Variants in ADK observed in about 807,000 individuals in gnomAD.
The protein encoded by ADK is adenosine kinase, also known as N6,N6-dimethyladenosine kinase.
In ADK, 24 loss-of-function variants were observed where a neutral mutation model predicts 44.7. That is an observed-to-expected ratio of 0.54 (90% CI 0.39 to 0.76). The LOEUF is 0.76. ADK is among the 30% of genes least tolerant of loss of function. ADK has a pLI of 0.00. For missense variants in ADK, 321 were observed against 425.1 expected, an observed-to-expected ratio of 0.76 and a Z score of 2.15; for synonymous variants, 128 against 142.6, an observed-to-expected ratio of 0.90 and a Z score of 0.73.
intron 10 of ADK, among the ~76,000 whole-genome samples, chr10:74,671,960 G>A (rs1273157835): frequency 6.6e-6 from 1 of 152,172 alleles, no homozygotes; most frequent in African/African-American, 2.4e-5. Flanking sequence ...GATACTAGGT[G>A]AGAACATGTA....
rs998778510 is a variant in ADK, at chr10:74,505,509, TC to T, written c.556-19741del. ...ATCCGTATCTTGAAACTCTTCAACTTCCCCCCACTTTTTTTTTTTTTTTTTT... is the reference window on the plus strand; with the variant it reads ...ATCCGTATCTTGAAACTCTTCAACTTCCCCCACTTTTTTTTTTTTTTTTTT... On this transcript the variant is annotated intron_variant, in intron 6 of 10. Coordinates refer to ENST00000539909, the MANE Select transcript of ADK (RefSeq NM_006721.4). Among the ~76,000 whole-genome samples, 8 of 145,950 alleles carry T rather than the reference TC, an allele frequency of 5.5e-5. No individual in the cohort carries two copies. The South Asian group carries it at 8.8e-4, about 16-fold the overall frequency.
chr10:74,158,814 G>C (rs1277037542), intron 1 of ADK, among the ~76,000 whole-genome samples: 1 of 152,142 alleles, frequency 6.6e-6, no homozygotes. Flanking sequence ...ATGATACTAA[G>C]TAGATGCTCA....
At chr10:74,172,139 T>TTC (rs1463683827) in intron 1 of ADK, among the ~76,000 whole-genome samples, 7 of 30,952 alleles carry the variant, frequency 2.3e-4, no homozygotes, top group Non-Finnish European at 5.1e-4. Context: ...TGGATTTTCT[T>TTC]TTTTTTTTTT....
chr10:74,196,895 C>T (rs893152242), intron 1 of ADK, among the ~76,000 whole-genome samples: 1 of 152,120 alleles, frequency 6.6e-6, no homozygotes, highest in African/African-American at 2.4e-5. Context: ...ATTAGGTGGT[C>T]CAACAACTTC....
At chr10:74,426,642 T>C (rs894711969) in intron 6 of ADK, among the ~76,000 whole-genome samples, 1 of 152,088 alleles carries the variant, frequency 6.6e-6, no homozygotes, top group African/African-American at 2.4e-5. Flanking sequence ...GGAGTGAGAC[T>C]TGGATATTGG....
At chr10:74,475,072 C>T (rs1564742966) in intron 6 of ADK, among the ~76,000 whole-genome samples, 1 of 152,022 alleles carries the variant, frequency 6.6e-6, no homozygotes, top group Non-Finnish European at 1.5e-5. Flanking sequence ...TTTCAGTGAG[C>T]CGAGTTCACG....
chr10:74,588,121 C>G (rs1204872340), intron 7 of ADK, among the ~76,000 whole-genome samples: 1 of 152,044 alleles, frequency 6.6e-6, no homozygotes, highest in Non-Finnish European at 1.5e-5. Context: ...CTAGATTTAA[C>G]ACTTGTTAAC....
At chr10:74,310,126 A>G (rs1840384646) in intron 3 of ADK, among the ~76,000 whole-genome samples, 1 of 152,088 alleles carries the variant, frequency 6.6e-6, no homozygotes, top group Non-Finnish European at 1.5e-5. Context: ...CAGGCTTTTG[A>G]TTGAGGTGTT....
chr10:74,705,668 C>T (rs1856578536), intron 10 of ADK, among the ~76,000 whole-genome samples: 1 of 152,172 alleles, frequency 6.6e-6, no homozygotes, highest in South Asian at 2.1e-4. Context: ...AGAAATAGAA[C>T]GGATCATATG....
chr10:74,193,154 A>G (rs1285379562), intron 1 of ADK, among the ~76,000 whole-genome samples: 1 of 152,156 alleles, frequency 6.6e-6, no homozygotes, highest in East Asian at 1.9e-4. Context: ...CTGTATTTTA[A>G]AGCTTACCTT....
intron 5 of ADK, 34 bp from the exon 6 acceptor site, chr10:74,398,437 A>G (rs1258326151): frequency 3.5e-6 from 5 of 1,432,420 alleles, no homozygotes; most frequent in Admixed American, 1.7e-5. Context: ...AAGTTTGACT[A>G]TAATATTACT....
intron 9 of ADK, among the ~76,000 whole-genome samples, chr10:74,626,254 C>T (rs1853198459): frequency 6.6e-6 from 1 of 151,854 alleles, no homozygotes; most frequent in South Asian, 2.1e-4. Flanking sequence ...ATGGTAGAAT[C>T]ACCTGAAATT....
intron 7 of ADK, among the ~76,000 whole-genome samples, chr10:74,538,523 T>C (rs1341103217): frequency 6.6e-6 from 1 of 152,212 alleles, no homozygotes; most frequent in Non-Finnish European, 1.5e-5. Context: ...TGTTTTTTGT[T>C]GTTGAGTAGC....
At chr10:74,601,169 T>G (rs940157801) in intron 9 of ADK, among the ~76,000 whole-genome samples, 1 of 152,088 alleles carries the variant, frequency 6.6e-6, no homozygotes, top group Non-Finnish European at 1.5e-5. Flanking sequence ...CTTAAAGATC[T>G]AACTGGGAAT....
chr10:74,293,101 GGCTGCAGTGA>G (rs1284312335), intron 3 of ADK, among the ~76,000 whole-genome samples: 2 of 147,736 alleles, frequency 1.4e-5, no homozygotes, highest in Non-Finnish European at 3.0e-5. Flanking sequence ...GGAAGGTTGA[GGCTGCAGTGA>G]GCTGTGATTG....
At chr10:74,407,351 A>G (rs936241930) in intron 6 of ADK, among the ~76,000 whole-genome samples, 7 of 152,282 alleles carry the variant, frequency 4.6e-5, no homozygotes, top group Non-Finnish European at 7.4e-5. Context: ...TATCTCTGAC[A>G]TTATAGTTTT....
At chr10:74,689,613 A>G (rs1056241144) in intron 10 of ADK, among the ~76,000 whole-genome samples, 1 of 152,192 alleles carries the variant, frequency 6.6e-6, no homozygotes, top group Non-Finnish European at 1.5e-5. Flanking sequence ...CAGATAATAG[A>G]ACCTTGCCCT....
At chr10:74,629,718 A>G (rs985102342) in intron 9 of ADK, among the ~76,000 whole-genome samples, 2 of 152,354 alleles carry the variant, frequency 1.3e-5, no homozygotes, top group East Asian at 1.9e-4. Flanking sequence ...GAAATAATGC[A>G]TGACTTCACA....
At chr10:74,509,743 T>C (rs2133508615) in intron 6 of ADK, among the ~76,000 whole-genome samples, 1 of 152,290 alleles carries the variant, frequency 6.6e-6, no homozygotes, top group East Asian at 1.9e-4. Flanking sequence ...CCTTTCCCCC[T>C]ACTTTCCCAG....
Sources: gnomAD v4.1 joint callset for allele counts (sites outside exome capture counted in the v4.1 genomes callset) on GRCh38, gnomAD v4.1.1 for gene constraint, MANE v1.5 for transcripts, NCBI Gene and HGNC (gene_info 2026-07-23, HGNC 2026-07-21) for gene names.